Variants in ENTREP2 observed in about 807,000 individuals in gnomAD.
ENTREP2 encodes protein ENTREP2.
chr15:29,171,164 A>G, the ENTREP2 span, among the ~76,000 whole-genome samples: 2 of 152,154 alleles, frequency 1.3e-5, no homozygotes, highest in African/African-American at 4.8e-5. Flanking sequence ...GACCTCCAAC[A>G]CTGACTGTGG....
At chr15:29,269,151 G>A in the ENTREP2 span, 14 of 1,614,028 alleles carry the variant, frequency 8.7e-6, no homozygotes, top group Non-Finnish European at 1.2e-5. Flanking sequence ...TCATAAAGAT[G>A]AGCCCTAAGA....
chr15:29,479,702 CACACACAT>C, the ENTREP2 span, among the ~76,000 whole-genome samples: 1,807 of 152,004 alleles, frequency 0.012, 35 homozygotes, highest in African/African-American at 0.041. Context: ...CACACACACA[CACACACAT>C]GCTGGGACCT....
the ENTREP2 span, chr15:29,269,552 G>GAAGCCCC: frequency 2.0e-6 from 3 of 1,514,212 alleles, no homozygotes; most frequent in Admixed American, 2.2e-5. Context: ...CCCGGCCCGC[G>GAAGCCCC]GGACGTGCTC....
chr15:29,537,263 C>T, the ENTREP2 span, among the ~76,000 whole-genome samples: 8 of 152,254 alleles, frequency 5.3e-5, no homozygotes, highest in African/African-American at 9.6e-5. Context: ...CTAGAGTCCA[C>T]GCACCGCTTT....
chr15:29,565,829 C>T, the ENTREP2 span, among the ~76,000 whole-genome samples: 1,891 of 151,790 alleles, frequency 0.012, 42 homozygotes, highest in African/African-American at 0.043. Flanking sequence ...GGTGTGGTGG[C>T]GGGCGCCTGT....
the ENTREP2 span, among the ~76,000 whole-genome samples, chr15:29,524,024 T>C: frequency 6.6e-6 from 1 of 152,182 alleles, no homozygotes. Context: ...AACAAAAAAA[T>C]AGATGGGATA....
the ENTREP2 span, among the ~76,000 whole-genome samples, chr15:29,147,958 C>T: frequency 4.3e-3 from 651 of 152,022 alleles, 4 homozygotes; most frequent in African/African-American, 0.015. Flanking sequence ...ACTGTTGAGC[C>T]GTAAAAAAGA....
chr15:29,187,101 A>G, the ENTREP2 span, among the ~76,000 whole-genome samples: 14 of 152,102 alleles, frequency 9.2e-5, no homozygotes, highest in Middle Eastern at 3.2e-3. Context: ...ACCTACCCGT[A>G]TATCACCCAT....
At chr15:29,425,329 G>A in the ENTREP2 span, among the ~76,000 whole-genome samples, 2 of 152,046 alleles carry the variant, frequency 1.3e-5, no homozygotes, top group East Asian at 1.9e-4. Flanking sequence ...GAGCCACCAC[G>A]CCTGGCTTTT....
chr15:29,673,126 C>T, the ENTREP2 span, among the ~76,000 whole-genome samples: 3 of 152,076 alleles, frequency 2.0e-5, no homozygotes, highest in Non-Finnish European at 4.4e-5. Flanking sequence ...GTAGGAGTGT[C>T]TTTTAGCATG....
At chr15:29,129,446 C>G in the ENTREP2 span, among the ~76,000 whole-genome samples, 10 of 152,200 alleles carry the variant, frequency 6.6e-5, no homozygotes, top group African/African-American at 2.2e-4. Flanking sequence ...GTTGCACAGT[C>G]ATCGAGCTTT....
the ENTREP2 span, among the ~76,000 whole-genome samples, chr15:29,158,128 G>T: frequency 6.6e-6 from 1 of 152,186 alleles, no homozygotes; most frequent in Non-Finnish European, 1.5e-5. Flanking sequence ...TCATTTAAAT[G>T]AATGCCTTTC....
chr15:29,530,041 T>C, the ENTREP2 span, among the ~76,000 whole-genome samples: 1 of 152,146 alleles, frequency 6.6e-6, no homozygotes, highest in Admixed American at 6.5e-5. Context: ...TTCTGATGGA[T>C]GAAGCCCAGG....
chr15:29,321,281 C>T, the ENTREP2 span, among the ~76,000 whole-genome samples: 19 of 152,084 alleles, frequency 1.2e-4, no homozygotes, highest in Admixed American at 1.1e-3. Flanking sequence ...GCATGAAGAG[C>T]GTGGAGTATT....
At chr15:29,417,736 T>A in the ENTREP2 span, among the ~76,000 whole-genome samples, 1 of 152,166 alleles carries the variant, frequency 6.6e-6, no homozygotes, top group African/African-American at 2.4e-5. Flanking sequence ...CTTGCAAATA[T>A]AATTCATGGC....
At chr15:29,190,941 A>C in the ENTREP2 span, among the ~76,000 whole-genome samples, 8 of 152,242 alleles carry the variant, frequency 5.3e-5, no homozygotes, top group African/African-American at 1.9e-4. Context: ...CTAAGCGTCA[A>C]GAACATTTTG....
the ENTREP2 span, among the ~76,000 whole-genome samples, chr15:29,626,384 G>A: frequency 9.2e-5 from 14 of 152,208 alleles, no homozygotes; most frequent in East Asian, 1.9e-3. Context: ...GAGATTTGAC[G>A]GTTTTATAAA....
chr15:29,362,299 T>C, the ENTREP2 span, among the ~76,000 whole-genome samples: 4 of 152,054 alleles, frequency 2.6e-5, no homozygotes, highest in Non-Finnish European at 5.9e-5. Context: ...TTCAAGATGA[T>C]GCATTTAATT....
chr15:29,467,252 T>C, the ENTREP2 span, among the ~76,000 whole-genome samples: 2 of 151,988 alleles, frequency 1.3e-5, no homozygotes, highest in Non-Finnish European at 2.9e-5. Flanking sequence ...GCTATTGGAG[T>C]GAACAATGGA....
Sources: gnomAD v4.1 joint callset for allele counts (sites outside exome capture counted in the v4.1 genomes callset) on GRCh38, gnomAD v4.1.1 for gene constraint, MANE v1.5 for transcripts, NCBI Gene and HGNC (gene_info 2026-07-23, HGNC 2026-07-21) for gene names.